The following SLC25A48 variants were observed in gnomAD, a reference collection of about 807,000 sequenced individuals.
The protein encoded by SLC25A48 is CTC-321K16.1.
Under a neutral mutation model 32.2 loss-of-function variants are expected in SLC25A48, and 29 were observed. That is an observed-to-expected ratio of 0.90 (90% CI 0.67 to 1.23). The LOEUF is 1.23. SLC25A48 is among the 50% of genes most tolerant of loss of function. The pLI is 0.00. For missense variants in SLC25A48, 399 were observed against 422.7 expected, an observed-to-expected ratio of 0.94 and a Z score of 0.49; for synonymous variants, 164 against 172.3, an observed-to-expected ratio of 0.95 and a Z score of 0.38.
chr5:135,768,061 A>G (rs1267708727), intron 3 of SLC25A48, among the ~76,000 whole-genome samples: 1 of 149,488 alleles, frequency 6.7e-6, no homozygotes, highest in African/African-American at 2.5e-5. Flanking sequence ...TATTACTCCC[A>G]ATATCGCAGC....
intron 3 of SLC25A48, among the ~76,000 whole-genome samples, chr5:135,771,561 C>T (rs533060655): frequency 6.6e-6 from 1 of 151,624 alleles, no homozygotes; most frequent in South Asian, 2.1e-4. Context: ...TGTACACCCT[C>T]CTGTGATATG....
chr5:135,803,233 G>A (rs978153312), intron 3 of SLC25A48, among the ~76,000 whole-genome samples: 1 of 150,576 alleles, frequency 6.6e-6, no homozygotes, highest in Non-Finnish European at 1.5e-5. Flanking sequence ...AATATACTTG[G>A]CAGATGTTAT....
At chr5:135,809,504 T>C (rs946953316) in intron 3 of SLC25A48, among the ~76,000 whole-genome samples, 2 of 152,176 alleles carry the variant, frequency 1.3e-5, no homozygotes, top group Admixed American at 6.5e-5. Context: ...TGAAGTATAA[T>C]TGATGTACAG....
intron 3 of SLC25A48, among the ~76,000 whole-genome samples, chr5:135,678,278 A>G (rs1753814337): frequency 6.6e-6 from 1 of 151,934 alleles, no homozygotes; most frequent in Non-Finnish European, 1.5e-5. Flanking sequence ...TCAAGTTCTG[A>G]AATGTTTTTA....
chr5:135,767,325 TAC>T (rs1391966258), intron 3 of SLC25A48, among the ~76,000 whole-genome samples: 4 of 151,846 alleles, frequency 2.6e-5, no homozygotes, highest in African/African-American at 9.7e-5. Context: ...GTGGAAGGCG[TAC>T]ACTCGCCTGT....
At chr5:135,835,979 A>G (rs763784291) in intron 1 of SLC25A48, among the ~76,000 whole-genome samples, 12 of 152,156 alleles carry the variant, frequency 7.9e-5, no homozygotes, top group Non-Finnish European at 1.5e-4. Flanking sequence ...CGCCTCTCCT[A>G]ACTTTCCCAG....
intron 3 of SLC25A48, among the ~76,000 whole-genome samples, chr5:135,691,362 A>G (rs550552390): frequency 6.6e-6 from 1 of 152,310 alleles, no homozygotes; most frequent in East Asian, 1.9e-4. Context: ...GTTGTATGGG[A>G]GTCCTTCCTG....
chr5:135,633,215 A>G (rs1181229932), intron 2 of SLC25A48, among the ~76,000 whole-genome samples: 1 of 152,128 alleles, frequency 6.6e-6, no homozygotes, highest in Non-Finnish European at 1.5e-5. Context: ...AATGCCCATG[A>G]GAAAGGTGCC....
chr5:135,722,275 T>C (rs1288300270), intron 3 of SLC25A48, among the ~76,000 whole-genome samples: 2 of 152,212 alleles, frequency 1.3e-5, no homozygotes, highest in Admixed American at 1.3e-4. Context: ...TGCCAGGCTG[T>C]TTGGGTGTTT....
chr5:135,608,756 C>G (rs1751999475), intron 1 of SLC25A48, among the ~76,000 whole-genome samples: 1 of 152,180 alleles, frequency 6.6e-6, no homozygotes, highest in Non-Finnish European at 1.5e-5. Context: ...TCCCTCTTCT[C>G]CCAAGGCTGG....
At chr5:135,753,654 A>G (rs1334668656) in intron 3 of SLC25A48, among the ~76,000 whole-genome samples, 1 of 151,952 alleles carries the variant, frequency 6.6e-6, no homozygotes, top group Non-Finnish European at 1.5e-5. Context: ...TCGCAGTCAT[A>G]TCTCGAGGAT....
At chr5:135,842,257 G>A (rs919315140) in intron 1 of SLC25A48, among the ~76,000 whole-genome samples, 159 bp from the exon 2 acceptor site, 1 of 151,976 alleles carries the variant, frequency 6.6e-6, no homozygotes, top group East Asian at 1.9e-4. Context: ...TGCCTTCCTT[G>A]GTGCATGGGC....
intron 3 of SLC25A48, among the ~76,000 whole-genome samples, chr5:135,678,395 ATC>A (rs1294242987): frequency 1.3e-5 from 2 of 152,118 alleles, no homozygotes; most frequent in Non-Finnish European, 2.9e-5. Context: ...AATAATATCT[ATC>A]TCTCTGGTAA....
At chr5:135,728,683 T>A (rs1755150354) in intron 3 of SLC25A48, among the ~76,000 whole-genome samples, 1 of 152,172 alleles carries the variant, frequency 6.6e-6, no homozygotes, top group African/African-American at 2.4e-5. Context: ...AAATTGCTGG[T>A]GCCTTCTTGA....
At chr5:135,752,142 T>G (rs996950331) in intron 3 of SLC25A48, among the ~76,000 whole-genome samples, 5 of 151,996 alleles carry the variant, frequency 3.3e-5, no homozygotes, top group Non-Finnish European at 7.4e-5. Context: ...AGATATAATA[T>G]CAAAAACACA....
At chr5:135,749,355 C>G (rs1487123032) in intron 3 of SLC25A48, among the ~76,000 whole-genome samples, 1 of 151,930 alleles carries the variant, frequency 6.6e-6, no homozygotes, top group Non-Finnish European at 1.5e-5. Context: ...CCACTGTCCC[C>G]CTCCCCCAGC....
intron 1 of SLC25A48, among the ~76,000 whole-genome samples, chr5:135,584,662 T>G (rs1751320490): frequency 6.6e-6 from 1 of 152,210 alleles, no homozygotes; most frequent in Admixed American, 6.5e-5. Flanking sequence ...AAAATTCTCA[T>G]AATGGAGAAA....
At chr5:135,853,541 C>T (rs10036494) in intron 4 of SLC25A48, among the ~76,000 whole-genome samples, 3,671 of 152,324 alleles carry the variant, frequency 0.024, 144 homozygotes, top group African/African-American at 0.082. Context: ...CTGTCTTTCT[C>T]ATCCATAAGA....
chr5:135,747,457 T>G lies in SLC25A48; in HGVS notation c.-520-65066T>G, dbSNP rs186184544. Among the ~76,000 whole-genome samples, 528 of 152,250 alleles carry G rather than the reference T, an allele frequency of 3.5e-3. 3 individuals carry two copies. The highest frequency in any genetic ancestry group is 0.031 in the Middle Eastern group (9 of 294). On this transcript the variant is annotated intron_variant, in intron 3 of 10. Coordinates refer to the SLC25A48 transcript ENST00000646290. ...GCTTCAAGACAGTTCTTATGTTCTT[T>G]GGGCACTAATACAACTTCTTTGAGC... is the stretch of plus-strand genomic sequence containing the variant.
Sources: gnomAD v4.1 joint callset for allele counts (sites outside exome capture counted in the v4.1 genomes callset) on GRCh38, gnomAD v4.1.1 for gene constraint, MANE v1.5 for transcripts, NCBI Gene and HGNC (gene_info 2026-07-23, HGNC 2026-07-21) for gene names.